The following CCDC102B variants were observed in gnomAD, a reference collection of about 807,000 sequenced individuals.
CCDC102B encodes coiled-coil domain containing 102B.
Under a neutral mutation model 57.4 loss-of-function variants are expected in CCDC102B, and 75 were observed. The observed-to-expected ratio is 1.31, with a 90% CI of 1.08 to 1.58. The LOEUF (loss-of-function observed/expected upper bound fraction) is 1.58. Among genes scored for constraint, CCDC102B ranks in the 40% most tolerant of loss-of-function variants. CCDC102B has a pLI of 0.00. For missense variants in CCDC102B, 636 were observed against 582.6 expected (o/e 1.09, Z -0.94); for synonymous variants, 206 against 201.9 (o/e 1.02, Z -0.17).
chr18:68,744,694 C>T (rs2033542957), intron 2 of CCDC102B, among the ~76,000 whole-genome samples: 1 of 152,146 alleles, frequency 6.6e-6, no homozygotes, highest in Admixed American at 6.6e-5. Context: ...CTCAATGATT[C>T]CCCGGCTGCG....
At chr18:68,936,130 T>TA (rs1362150763) in intron 6 of CCDC102B, among the ~76,000 whole-genome samples, 1 of 151,922 alleles carries the variant, frequency 6.6e-6, no homozygotes, top group African/African-American at 2.4e-5. Context: ...GTATAAGACT[T>TA]ATATGAAACA....
upstream of CCDC102B, among the ~76,000 whole-genome samples, chr18:68,793,487 ATACT>A (rs1238696975): frequency 6.6e-6 from 1 of 152,182 alleles, no homozygotes. Flanking sequence ...AAATCACTAT[ATACT>A]TATTCAATAT....
At chr18:68,982,612 A>G (rs1371970719) in intron 6 of CCDC102B, among the ~76,000 whole-genome samples, 1 of 151,858 alleles carries the variant, frequency 6.6e-6, no homozygotes, top group African/African-American at 2.4e-5. Context: ...GCAATTTTTA[A>G]TTTTTAGTAC....
At chr18:68,875,732 A>G (rs541895598) in intron 5 of CCDC102B, among the ~76,000 whole-genome samples, 1 of 152,238 alleles carries the variant, frequency 6.6e-6, no homozygotes, top group Admixed American at 6.5e-5. Context: ...TTAAAATAAT[A>G]GTAATAATAA....
intron 6 of CCDC102B, among the ~76,000 whole-genome samples, chr18:68,999,521 C>T (rs951421838): frequency 6.6e-6 from 1 of 151,862 alleles, no homozygotes; most frequent in Non-Finnish European, 1.5e-5. Context: ...TTTGAGAATC[C>T]CTTTAACCTG....
intron 5 of CCDC102B, among the ~76,000 whole-genome samples, chr18:68,894,470 G>A (rs1244259489): frequency 6.6e-6 from 1 of 151,864 alleles, no homozygotes; most frequent in Admixed American, 6.6e-5. Context: ...TTCATCATCA[G>A]AAGCAAAGCA....
chr18:68,914,050 G>A (rs1316107017), intron 6 of CCDC102B, among the ~76,000 whole-genome samples: 3 of 152,016 alleles, frequency 2.0e-5, no homozygotes, highest in Non-Finnish European at 4.4e-5. Context: ...CACTATATTC[G>A]GAAAATGACA....
intron 6 of CCDC102B, among the ~76,000 whole-genome samples, chr18:68,949,909 AACTC>A (rs2049646882): frequency 1.3e-5 from 2 of 152,254 alleles, no homozygotes; most frequent in African/African-American, 4.8e-5. Flanking sequence ...ATTAAATACT[AACTC>A]TAATTTCTGA....
chr18:68,943,103 G>T (rs2049432177), intron 6 of CCDC102B, among the ~76,000 whole-genome samples: 1 of 135,536 alleles, frequency 7.4e-6, no homozygotes, highest in Non-Finnish European at 1.6e-5. Flanking sequence ...GCACAGGGTT[G>T]GGGGTAGGGT....
At chr18:69,024,156 T>C (rs1433112048) in intron 7 of CCDC102B, among the ~76,000 whole-genome samples, 1 of 152,122 alleles carries the variant, frequency 6.6e-6, no homozygotes, top group African/African-American at 2.4e-5. Context: ...TATCTTTAGA[T>C]TTAAATGTTT....
At chr18:68,792,793 T>G (rs2035504879) in intron 2 of CCDC102B, among the ~76,000 whole-genome samples, 1 of 152,338 alleles carries the variant, frequency 6.6e-6, no homozygotes, top group Non-Finnish European at 1.5e-5. Context: ...AGATTTATTT[T>G]TCTTAAATTG....
upstream of CCDC102B, among the ~76,000 whole-genome samples, chr18:68,794,736 G>A (rs868564415): frequency 6.6e-6 from 1 of 152,112 alleles, no homozygotes; most frequent in East Asian, 1.9e-4. Context: ...GGAGGTGTGT[G>A]TGCACAGGGG....
chr18:68,886,996 C>T (rs1293648189), intron 5 of CCDC102B, among the ~76,000 whole-genome samples: 9 of 152,072 alleles, frequency 5.9e-5, no homozygotes, highest in African/African-American at 2.2e-4. Flanking sequence ...CTGACCACTG[C>T]TTTTTTAGCT....
chr18:68,732,956 T>TTAGAA lies in CCDC102B; in HGVS notation c.-67+16362_-67+16363insTAGAA, dbSNP rs200955585. 6.7e-4 allele frequency among the ~76,000 whole-genome samples: 102 copies of TTAGAA among 151,836 alleles called. No individual in the cohort carries two copies. The East Asian group carries it at 0.015, about 22-fold the overall frequency. ...AGACTGATTTAGCCTAGGGACAAAATAAAGACATCCAATGTATAAGGAGAA... is the reference window on the plus strand; with the variant it reads ...AGACTGATTTAGCCTAGGGACAAAATTAGAAAAAGACATCCAATGTATAAGGAGAA... On this transcript the variant is annotated intron_variant, in intron 2 of 3. Coordinates refer to the CCDC102B transcript ENST00000578970.
intron 2 of CCDC102B, among the ~76,000 whole-genome samples, chr18:68,735,472 T>G (rs1686649790): frequency 6.6e-6 from 1 of 152,168 alleles, no homozygotes; most frequent in Non-Finnish European, 1.5e-5. Flanking sequence ...CCATTTTTGT[T>G]GCTACATCTG....
chr18:68,725,567 A>G (rs1168654057), intron 2 of CCDC102B, among the ~76,000 whole-genome samples: 2 of 152,066 alleles, frequency 1.3e-5, no homozygotes, highest in East Asian at 3.9e-4. Context: ...CTCCACCTAC[A>G]TTTCCTGACT....
intron 1 of CCDC102B, among the ~76,000 whole-genome samples, chr18:68,799,813 T>C (rs1479710616): frequency 2.0e-5 from 3 of 152,152 alleles, no homozygotes; most frequent in African/African-American, 4.8e-5. Flanking sequence ...ATTTATCTGA[T>C]TGGAGCAGAA....
intron 5 of CCDC102B, 141 bp from the exon 6 acceptor site, chr18:68,897,078 A>C: frequency 4.8e-6 from 3 of 629,868 alleles, no homozygotes; most frequent in South Asian, 4.7e-5. Context: ...TCATGTTTTC[A>C]AACAAATAGA....
chr18:68,808,809 G>T (rs1286929578), intron 1 of CCDC102B, among the ~76,000 whole-genome samples: 1 of 152,024 alleles, frequency 6.6e-6, no homozygotes, highest in Non-Finnish European at 1.5e-5. Flanking sequence ...TTTTTCTGAA[G>T]ATTATGAAGC....
Sources: allele counts gnomAD v4.1 joint callset (sites outside exome capture counted in the v4.1 genomes callset), GRCh38; gene constraint gnomAD v4.1.1; transcripts MANE v1.5; gene names NCBI Gene and HGNC (gene_info 2026-07-23, HGNC 2026-07-21).